The following TRAPPC9 variants were observed in gnomAD, a reference collection of about 807,000 sequenced individuals.
The protein encoded by TRAPPC9 is IKK2 binding protein.
Under a neutral mutation model 124.0 loss-of-function variants are expected in TRAPPC9, and 83 were observed. The ratio of observed to expected loss-of-function variants is 0.67; its 90% CI spans 0.56 to 0.80. The LOEUF (loss-of-function observed/expected upper bound fraction) is 0.80. Among genes scored for constraint, TRAPPC9 ranks in the 30% least tolerant of loss-of-function variants. TRAPPC9 has a pLI of 0.00. For synonymous variants in TRAPPC9, 638 were observed against 617.5 expected, an observed-to-expected ratio of 1.03 and a Z score of -0.49; for missense variants, 1,302 against 1,508.3, an observed-to-expected ratio of 0.86 and a Z score of 2.27.
intron 19 of TRAPPC9, among the ~76,000 whole-genome samples, chr8:139,980,502 G>A (rs13278842): frequency 0.22 from 33,415 of 152,186 alleles, 4,944 homozygotes; most frequent in African/African-American, 0.43. Flanking sequence ...CGATCTGGAG[G>A]GGGACAGCTT....
At position 140,252,917 on chromosome 8, in the gene TRAPPC9, C is replaced by T; in HGVS notation, c.2291G>A (p.Gly764Asp). 1 of 1,613,766 alleles carries T rather than the reference C, an allele frequency of 6.2e-7. No homozygotes were observed. Among genetic ancestry groups the T allele is most frequent in the Non-Finnish European group, 8.5e-7 (1 of 1,179,990 alleles). ...KVLTTKEKLY[G>D]DFLSWKLEET... ...CTCTAGCTTCCAGCTCAAGAAGTCG[C>T]CATACAATTTTTCTGTAATAATAAC... is the stretch of plus-strand genomic sequence containing the variant. Residue 764 changes from glycine (G) to aspartate (D), a missense_variant, in exon 16 of 23, where the codon GGC (glycine) becomes GAC (aspartate). This residue lies in a region of TRAPPC9 where 640 missense variants were observed against 679.3 expected (regional missense o/e 0.94). Transcript: ENST00000438773. This position sits in a 1 kb window ranked among gnomAD's most constrained non-coding sequence, Gnocchi z 4.2.
At chr8:140,235,252 C>A (rs777153200) in intron 16 of TRAPPC9, among the ~76,000 whole-genome samples, 1 of 152,128 alleles carries the variant, frequency 6.6e-6, no homozygotes, top group African/African-American at 2.4e-5. Context: ...GGATTACAGG[C>A]GTGAGCCACC....
At chr8:139,806,538 C>A (rs1824072874) in intron 21 of TRAPPC9, among the ~76,000 whole-genome samples, 1 of 152,188 alleles carries the variant, frequency 6.6e-6, no homozygotes, top group Admixed American at 6.5e-5. Flanking sequence ...AGCCTCAGGT[C>A]CCAGAGCAGC....
intron 15 of TRAPPC9, among the ~76,000 whole-genome samples, chr8:140,259,342 G>A (rs1321194184): frequency 6.6e-6 from 1 of 152,132 alleles, no homozygotes; most frequent in Admixed American, 6.5e-5. Flanking sequence ...CACCATCCAG[G>A]TACCAAGCAG....
intron 21 of TRAPPC9, among the ~76,000 whole-genome samples, chr8:139,812,748 A>G (rs183302498): frequency 1.8e-4 from 28 of 152,350 alleles, no homozygotes; most frequent in Non-Finnish European, 3.7e-4. Flanking sequence ...ACCAAGAGTA[A>G]AGGTGTTGGA....
chr8:139,794,152 C>T (rs763118306), intron 21 of TRAPPC9, among the ~76,000 whole-genome samples: 5 of 152,228 alleles, frequency 3.3e-5, no homozygotes, highest in East Asian at 1.9e-4. Flanking sequence ...ATGCGGCTCA[C>T]GCCTGCCCCG....
chr8:140,086,391 CT>C (rs1360091045), intron 17 of TRAPPC9, among the ~76,000 whole-genome samples: 3 of 152,242 alleles, frequency 2.0e-5, no homozygotes, highest in African/African-American at 7.2e-5. Context: ...AATGACACGT[CT>C]CTCCACCAAC....
chr8:140,129,777 G>A (rs1001785650), intron 17 of TRAPPC9, among the ~76,000 whole-genome samples: 12 of 152,302 alleles, frequency 7.9e-5, no homozygotes, highest in East Asian at 1.9e-4. Flanking sequence ...ATACCGGATC[G>A]GAATTGGAGG....
chr8:139,794,029 G>A (rs1822881934), intron 21 of TRAPPC9, among the ~76,000 whole-genome samples: 2 of 151,952 alleles, frequency 1.3e-5, no homozygotes, highest in South Asian at 4.2e-4. Flanking sequence ...CACCCCTGCA[G>A]GTCTCTTGGG....
intron 15 of TRAPPC9, among the ~76,000 whole-genome samples, chr8:140,263,980 C>G (rs186352467): frequency 5.9e-4 from 90 of 152,164 alleles, no homozygotes; most frequent in Non-Finnish European, 3.2e-4. Flanking sequence ...TCCTTTCCCC[C>G]GCTCCCCAAG....
chr8:139,894,973 C>T (rs73366271), intron 20 of TRAPPC9, among the ~76,000 whole-genome samples: 165 of 152,338 alleles, frequency 1.1e-3, no homozygotes, highest in African/African-American at 3.6e-3. Flanking sequence ...ACGACAAGGG[C>T]TGTGCCTGTT....
chr8:140,088,294 A>G (rs977244473), intron 17 of TRAPPC9, among the ~76,000 whole-genome samples: 1 of 152,234 alleles, frequency 6.6e-6, no homozygotes, highest in Non-Finnish European at 1.5e-5. Flanking sequence ...GTAGGTGCTC[A>G]GTATTTGTTA....
intron 21 of TRAPPC9, among the ~76,000 whole-genome samples, chr8:139,804,205 C>T (rs1823803530): frequency 7.0e-6 from 1 of 143,604 alleles, no homozygotes; most frequent in African/African-American, 2.6e-5. Flanking sequence ...GCACCACCGC[C>T]ACCACCCACC....
intron 16 of TRAPPC9, among the ~76,000 whole-genome samples, chr8:140,249,729 A>G (rs200413788): frequency 6.7e-6 from 1 of 148,950 alleles, no homozygotes; most frequent in Admixed American, 6.8e-5. Context: ...TCAGCCTCCC[A>G]AGTAGCTGGG....
intron 21 of TRAPPC9, among the ~76,000 whole-genome samples, chr8:139,815,399 T>TA (rs1287472136): frequency 6.6e-6 from 1 of 151,858 alleles, no homozygotes; most frequent in African/African-American, 2.4e-5. Context: ...ATAACTTTTT[T>TA]TTTTTTTTGA....
At chr8:140,024,988 T>C (rs1840051373) in intron 17 of TRAPPC9, among the ~76,000 whole-genome samples, 1 of 152,130 alleles carries the variant, frequency 6.6e-6, no homozygotes, top group East Asian at 1.9e-4. Flanking sequence ...TGCTGCACAG[T>C]GGGGAGTACT....
At chr8:140,131,152 TC>T (rs2061202318) in intron 17 of TRAPPC9, among the ~76,000 whole-genome samples, 1 of 152,150 alleles carries the variant, frequency 6.6e-6, no homozygotes, top group Non-Finnish European at 1.5e-5. Context: ...TTAGATTGTT[TC>T]CAATTTCTCC....
intron 5 of TRAPPC9, among the ~76,000 whole-genome samples, chr8:140,420,350 T>C (rs1455880233): frequency 6.6e-6 from 1 of 152,138 alleles, no homozygotes; most frequent in Admixed American, 6.5e-5. Flanking sequence ...GGATTCTTGG[T>C]AGAAAATGAC....
rs1164763954 is a variant in TRAPPC9 at position 139,741,112 on chromosome 8, C to T, written c.3056-8910G>A. Among the ~76,000 whole-genome samples, 3 of 152,224 alleles carry T rather than the reference C, an allele frequency of 2.0e-5. 1 individual carries two copies. Among genetic ancestry groups the T allele is most frequent in the African/African-American group, 7.2e-5 (3 of 41,466 alleles). ...ACCCACGGCCTCCCCCTCCTCCAGC[C>T]TGCCCCAGCAGGGCACTCCCCCTTG... On this transcript the variant is annotated intron_variant, in intron 21 of 22. Transcript: ENST00000438773.
Sources: allele counts gnomAD v4.1 joint callset (sites outside exome capture counted in the v4.1 genomes callset), GRCh38; gene constraint gnomAD v4.1.1; regional missense constraint gnomAD v4.1.1; non-coding constraint Gnocchi (gnomAD v3.1); transcripts MANE v1.5; gene names NCBI Gene and HGNC (gene_info 2026-07-23, HGNC 2026-07-21).